The following AKT3 variants were observed in gnomAD, a reference collection of about 807,000 sequenced individuals.
AKT3 encodes the protein RAC-gamma serine/threonine-protein kinase.
In AKT3, 15 loss-of-function variants were observed where a neutral mutation model predicts 65.3. The ratio of observed to expected loss-of-function variants is 0.23; its 90% CI spans 0.15 to 0.35. The LOEUF (loss-of-function observed/expected upper bound fraction) is 0.35, where lower values mean the gene tolerates loss of function less well. AKT3 is among the 10% of genes least tolerant of loss of function. The probability of loss-of-function intolerance (pLI) is 1.00; values close to 1 mark genes in which losing one functional copy is unlikely to be tolerated. For synonymous variants in AKT3, 206 were observed against 183.8 expected (o/e 1.12, Z -0.98); for missense variants, 243 against 576.5 (o/e 0.42, Z 5.92).
chr1:243,628,267 T>C (rs1228374610), intron 6 of AKT3, among the ~76,000 whole-genome samples: 5 of 152,150 alleles, frequency 3.3e-5, no homozygotes, highest in African/African-American at 9.7e-5. Context: ...TGCTGAGGAA[T>C]GCAAGAAGAC....
At chr1:243,537,334 T>C (rs1672004797) in intron 12 of AKT3, among the ~76,000 whole-genome samples, 1 of 152,116 alleles carries the variant, frequency 6.6e-6, no homozygotes, top group Non-Finnish European at 1.5e-5. Context: ...TCCAGACATA[T>C]TTATTTCCAT....
chr1:243,633,197 A>T (rs1158072686), intron 6 of AKT3, among the ~76,000 whole-genome samples: 1 of 152,344 alleles, frequency 6.6e-6, no homozygotes, highest in African/African-American at 2.4e-5. Context: ...CTAGGTAAAC[A>T]GAAACTGAGG....
chr1:243,493,200 G>C (rs972395170), intron 13 of AKT3, among the ~76,000 whole-genome samples: 17 of 148,958 alleles, frequency 1.1e-4, no homozygotes, highest in African/African-American at 3.9e-4. Flanking sequence ...GGCCCTGGCT[G>C]GGGGAGGCTG....
rs1450523780 is a variant in AKT3, at chr1:243,563,041, A to C, written c.948+679T>G. The stretch of plus-strand genomic sequence containing the variant: ...TTTGTTTGTTTGTTTATGAAACTTA[A>C]GACATTATGTTATTTATTTATTTTT... On this transcript the variant is annotated intron_variant, in intron 10 of 13. Coordinates refer to ENST00000673466, the MANE Select transcript of AKT3 (RefSeq NM_005465.7). Among the ~76,000 whole-genome samples, 5 of 152,200 alleles carry C rather than the reference A, an allele frequency of 3.3e-5. No individual in the cohort carries two copies. In the East Asian group the frequency reaches 7.7e-4, roughly 23 times the overall value.
At chr1:243,634,343 GT>G (rs1168924932) in intron 6 of AKT3, among the ~76,000 whole-genome samples, 2 of 151,910 alleles carry the variant, frequency 1.3e-5, no homozygotes, top group African/African-American at 4.8e-5. Context: ...CATATACTGT[GT>G]TTTTTTCCTA....
At chr1:243,666,764 T>C (rs1302381552) in intron 3 of AKT3, among the ~76,000 whole-genome samples, 1 of 152,214 alleles carries the variant, frequency 6.6e-6, no homozygotes, top group Admixed American at 6.5e-5. Flanking sequence ...TAGCCTAACC[T>C]ACTTGAAACA....
chr1:243,763,527 C>T (rs1387204510), intron 2 of AKT3, among the ~76,000 whole-genome samples: 4 of 152,004 alleles, frequency 2.6e-5, no homozygotes, highest in Non-Finnish European at 4.4e-5. Context: ...GGCTTAAAAG[C>T]ATGCCAACTG....
intron 12 of AKT3, among the ~76,000 whole-genome samples, 166 bp from the exon 13 acceptor site, chr1:243,512,592 A>C (rs1263364067): frequency 2.0e-5 from 3 of 152,198 alleles, no homozygotes; most frequent in African/African-American, 4.8e-5. Context: ...TCAACAGTCT[A>C]AACCAACCGG....
intron 2 of AKT3, among the ~76,000 whole-genome samples, chr1:243,780,115 G>T (rs1185990373): frequency 6.6e-6 from 1 of 151,992 alleles, no homozygotes; most frequent in South Asian, 2.1e-4. Flanking sequence ...GGAGCAACCA[G>T]ATATTCACAT....
chr1:243,670,053 T>TATA (rs1683060244), intron 3 of AKT3, among the ~76,000 whole-genome samples: 1 of 152,206 alleles, frequency 6.6e-6, no homozygotes, highest in Non-Finnish European at 1.5e-5. Context: ...CTACTGATCA[T>TATA]TCTACCCATG....
chr1:243,637,575 C>A, intron 6 of AKT3, 36 bp downstream of exon 6: 1 of 1,556,286 alleles, frequency 6.4e-7, no homozygotes, highest in Non-Finnish European at 8.7e-7. Flanking sequence ...ACACTGCAAA[C>A]AAAAATTTAG....
intron 6 of AKT3, among the ~76,000 whole-genome samples, chr1:243,635,320 T>C (rs531273578): frequency 1.3e-5 from 2 of 151,718 alleles, no homozygotes; most frequent in Non-Finnish European, 1.5e-5. Flanking sequence ...TAAATGCTTA[T>C]ACTAAATAAG....
intron 2 of AKT3, among the ~76,000 whole-genome samples, chr1:243,838,888 G>C (rs1396933367): frequency 6.6e-6 from 1 of 152,176 alleles, no homozygotes; most frequent in Non-Finnish European, 1.5e-5. Context: ...TGAAAGTTCA[G>C]TTTGTTAGAT....
intron 10 of AKT3, among the ~76,000 whole-genome samples, chr1:243,553,984 C>T (rs888501733): frequency 1.3e-5 from 2 of 152,102 alleles, no homozygotes; most frequent in African/African-American, 2.4e-5. Context: ...CACTTACAAC[C>T]GATTACAAAG....
chr1:243,605,070 G>T (rs181382255), intron 8 of AKT3, among the ~76,000 whole-genome samples: 1 of 152,158 alleles, frequency 6.6e-6, no homozygotes, highest in East Asian at 1.9e-4. Flanking sequence ...TGTTGCCCAC[G>T]CTGGAGTGCA....
intron 2 of AKT3, among the ~76,000 whole-genome samples, chr1:243,817,328 G>C (rs1406288984): frequency 2.0e-5 from 3 of 152,282 alleles, no homozygotes; most frequent in East Asian, 1.9e-4. Flanking sequence ...CACAGCATTG[G>C]TAACTGATGT....
chr1:243,669,695 C>G (rs1043953828), intron 3 of AKT3, among the ~76,000 whole-genome samples: 3 of 152,092 alleles, frequency 2.0e-5, no homozygotes, highest in African/African-American at 7.2e-5. Flanking sequence ...AGAAGCTACT[C>G]GAAGTGCTGT....
intron 2 of AKT3, among the ~76,000 whole-genome samples, chr1:243,773,251 T>C (rs898282538): frequency 6.7e-6 from 1 of 150,242 alleles, no homozygotes; most frequent in East Asian, 1.9e-4. Context: ...TGAAGAATCA[T>C]CTCTTTAGAG....
At position 243,804,585 on chromosome 1, in the gene AKT3, G is replaced by A. The variant is rs973533423; in HGVS notation, c.46+38540C>T. ...TACATGGCCGGATGCGGTGGCTCAC[G>A]CCTGTAATCCCAGCACTTTGGGAGG... On this transcript the variant is annotated intron_variant, in intron 2 of 13. Transcript: ENST00000673466. 7.2e-5 allele frequency among the ~76,000 whole-genome samples: 11 copies of A among 152,110 alleles called. No homozygotes were observed. The East Asian group carries it at 7.7e-4, about 11-fold the overall frequency.
Sources: allele counts gnomAD v4.1 joint callset (sites outside exome capture counted in the v4.1 genomes callset), GRCh38; gene constraint gnomAD v4.1.1; transcripts MANE v1.5; gene names NCBI Gene and HGNC (gene_info 2026-07-23, HGNC 2026-07-21).